SLC14A2: variants seen among roughly 807,000 people sequenced by gnomAD.
The protein encoded by SLC14A2 is urea transporter 2.
In SLC14A2, 91 loss-of-function variants were observed where a neutral mutation model predicts 104.6. That is an observed-to-expected ratio of 0.87 (90% CI 0.73 to 1.04). The LOEUF (loss-of-function observed/expected upper bound fraction) is 1.04, where lower values mean the gene tolerates loss of function less well. Among genes scored for constraint, SLC14A2 ranks in the 50% least tolerant of loss-of-function variants. The pLI is 0.00. For synonymous variants in SLC14A2, 476 were observed against 466.4 expected (o/e 1.02, Z -0.27); for missense variants, 1,189 against 1,156.0 (o/e 1.03, Z -0.41).
At chr18:45,550,086 A>T (rs1269762476) in intron 2 of SLC14A2, 1 of 152,168 alleles carries the variant, frequency 6.6e-6, no homozygotes, top group African/African-American at 2.4e-5. Context: ...TATAAGATAA[A>T]TCAAAGGAAG....
chr18:45,216,401 G>A (rs2084010887), intron 1 of SLC14A2, among the ~76,000 whole-genome samples: 1 of 152,164 alleles, frequency 6.6e-6, no homozygotes, highest in Admixed American at 6.6e-5. Context: ...AGTGAGGCTG[G>A]TCTAGTCTGA....
the SLC14A2 span, among the ~76,000 whole-genome samples, chr18:45,192,511 G>T: frequency 4.6e-5 from 7 of 152,110 alleles, no homozygotes; most frequent in African/African-American, 7.2e-5. Flanking sequence ...AAAAGTGCTT[G>T]TATCATTTTA....
chr18:45,519,635 CGAA>C (rs974200565), intron 2 of SLC14A2, among the ~76,000 whole-genome samples: 5 of 152,130 alleles, frequency 3.3e-5, no homozygotes, highest in African/African-American at 1.2e-4. Context: ...AGAGTAAGCA[CGAA>C]GAAGGAGGAG....
At chr18:45,203,193 G>C in the SLC14A2 span, among the ~76,000 whole-genome samples, 1 of 152,304 alleles carries the variant, frequency 6.6e-6, no homozygotes, top group Middle Eastern at 3.4e-3. Context: ...GGACTAAGGA[G>C]TGGGGAAGGA....
chr18:45,187,539 G>A, the SLC14A2 span, among the ~76,000 whole-genome samples: 1 of 152,078 alleles, frequency 6.6e-6, no homozygotes, highest in Non-Finnish European at 1.5e-5. Context: ...TTGTTTACTA[G>A]AGGCTGAGAA....
chr18:45,417,642 A>G (rs1328511031), intron 1 of SLC14A2, among the ~76,000 whole-genome samples: 2 of 152,184 alleles, frequency 1.3e-5, no homozygotes, highest in Admixed American at 1.3e-4. Flanking sequence ...CTTGCATGAC[A>G]TGTGAAGATT....
intron 1 of SLC14A2, among the ~76,000 whole-genome samples, chr18:45,404,601 AC>A (rs2086133202): frequency 6.6e-6 from 1 of 152,068 alleles, no homozygotes; most frequent in African/African-American, 2.4e-5. Context: ...CAAGGCACAT[AC>A]CCCCATCGCT....
chr18:45,566,546 CAG>C (rs34884824), intron 2 of SLC14A2, among the ~76,000 whole-genome samples: 87 of 138,340 alleles, frequency 6.3e-4, no homozygotes, highest in African/African-American at 2.1e-3. Context: ...CACACACACA[CAG>C]TGTCCACATC....
At chr18:45,187,766 A>C in the SLC14A2 span, among the ~76,000 whole-genome samples, 1 of 152,028 alleles carries the variant, frequency 6.6e-6, no homozygotes, top group African/African-American at 2.4e-5. Context: ...TTCTGGTAAA[A>C]AAATAAATAA....
chr18:45,426,270 C>A (rs974720475), intron 1 of SLC14A2, among the ~76,000 whole-genome samples: 1 of 152,130 alleles, frequency 6.6e-6, no homozygotes, highest in African/African-American at 2.4e-5. Context: ...TTGCTGAGTG[C>A]CACTTATTGT....
At chr18:45,589,140 G>A (rs2852299) in intron 2 of SLC14A2, among the ~76,000 whole-genome samples, 1 of 152,088 alleles carries the variant, frequency 6.6e-6, no homozygotes, top group Non-Finnish European at 1.5e-5. Context: ...ATTACAACTC[G>A]GCGGCCTCGG....
chr18:45,483,112 T>C (rs1054199572), intron 1 of SLC14A2: 3 of 152,208 alleles, frequency 2.0e-5, no homozygotes, highest in African/African-American at 7.2e-5. Context: ...TTTTTTTCTT[T>C]TTTTTCTGTA....
intron 1 of SLC14A2, among the ~76,000 whole-genome samples, chr18:45,306,012 G>T (rs1369176966): frequency 1.3e-5 from 2 of 152,116 alleles, no homozygotes; most frequent in African/African-American, 4.8e-5. Context: ...AATAACATTT[G>T]ATCAGGATCC....
At chr18:45,369,070 A>G (rs770094787) in intron 1 of SLC14A2, among the ~76,000 whole-genome samples, 44 of 152,194 alleles carry the variant, frequency 2.9e-4, no homozygotes, top group Non-Finnish European at 4.6e-4. Flanking sequence ...CCATGAAGTG[A>G]AAGTGATTAT....
intron 1 of SLC14A2, among the ~76,000 whole-genome samples, chr18:45,420,940 C>A (rs1263699966): frequency 6.6e-6 from 1 of 151,996 alleles, no homozygotes; most frequent in Non-Finnish European, 1.5e-5. Context: ...GGGGTTTCAC[C>A]ATGTTGGCCA....
chr18:45,404,408 TTGAA>T (rs2086131000), intron 1 of SLC14A2, among the ~76,000 whole-genome samples: 1 of 152,212 alleles, frequency 6.6e-6, no homozygotes, highest in Non-Finnish European at 1.5e-5. Flanking sequence ...CTCAGGGAAT[TTGAA>T]TGACTCCTGA....
At chr18:45,562,795 G>C (rs1012574390) in intron 2 of SLC14A2, among the ~76,000 whole-genome samples, 1 of 152,138 alleles carries the variant, frequency 6.6e-6, no homozygotes, top group Non-Finnish European at 1.5e-5. Context: ...AATTCTCCCT[G>C]GGGGGAAGGG....
intron 1 of SLC14A2, among the ~76,000 whole-genome samples, chr18:45,336,008 T>G (rs1384490050): frequency 6.6e-6 from 1 of 152,076 alleles, no homozygotes; most frequent in African/African-American, 2.4e-5. Context: ...GCCAAGCTGG[T>G]TGGAATGAGA....
At chr18:45,507,201 G>A (rs1363751524) in intron 2 of SLC14A2, 3 of 152,258 alleles carry the variant, frequency 2.0e-5, no homozygotes, top group African/African-American at 7.2e-5. Flanking sequence ...AGGAGGGGAG[G>A]GTTCAAGTAG....
Sources: allele counts gnomAD v4.1 joint callset (sites outside exome capture counted in the v4.1 genomes callset), GRCh38; gene constraint gnomAD v4.1.1; transcripts MANE v1.5; gene names NCBI Gene and HGNC (gene_info 2026-07-23, HGNC 2026-07-21).